SDC2: variants seen among roughly 807,000 people sequenced by gnomAD.
SDC2 encodes the protein syndecan-2.
A neutral mutation model predicts 22.2 loss-of-function variants in SDC2; 13 were observed. The observed-to-expected ratio is 0.59, with a 90% confidence interval of 0.38 to 0.93. The LOEUF (loss-of-function observed/expected upper bound fraction) is 0.93. Among genes scored for constraint, SDC2 ranks in the 40% least tolerant of loss-of-function variants. The pLI is 0.00. For missense variants in SDC2, 235 were observed against 246.8 expected, an observed-to-expected ratio of 0.95 and a Z score of 0.32; for synonymous variants, 94 against 92.8, an observed-to-expected ratio of 1.01 and a Z score of -0.07.
chr8:96,600,669 T>A (rs1054124626), intron 2 of SDC2, among the ~76,000 whole-genome samples: 1 of 152,092 alleles, frequency 6.6e-6, no homozygotes, highest in African/African-American at 2.4e-5. Context: ...TAGGACTGGA[T>A]AATGGATTCA....
chr8:96,528,507 A>G (rs1301379291), intron 1 of SDC2, among the ~76,000 whole-genome samples: 1 of 152,242 alleles, frequency 6.6e-6, no homozygotes, highest in Non-Finnish European at 1.5e-5. Context: ...CTAAAAGGAA[A>G]AATGTTAAAA....
At chr8:96,520,924 G>A (rs555314793) in intron 1 of SDC2, among the ~76,000 whole-genome samples, 18 of 152,180 alleles carry the variant, frequency 1.2e-4, no homozygotes, top group South Asian at 2.1e-4. Flanking sequence ...AAAAGAAGGC[G>A]GAGCTCTGGG....
chr8:96,564,512 G>C (rs1185550774), intron 1 of SDC2, among the ~76,000 whole-genome samples: 1 of 152,036 alleles, frequency 6.6e-6, no homozygotes, highest in African/African-American at 2.4e-5. Context: ...TGACCGTAGA[G>C]TTGTGTGGGT....
chr8:96,516,468 C>T (rs541263647), intron 1 of SDC2, among the ~76,000 whole-genome samples: 9 of 152,128 alleles, frequency 5.9e-5, no homozygotes, highest in Non-Finnish European at 1.0e-4. Flanking sequence ...CCATTTAAAG[C>T]GTAGTTTTTA....
intron 1 of SDC2, among the ~76,000 whole-genome samples, chr8:96,562,741 T>G (rs62516108): frequency 0.02 from 3,046 of 152,284 alleles, 49 homozygotes; most frequent in Non-Finnish European, 0.032. Context: ...AAAATAAAAT[T>G]AGCATTGCTT....
At chr8:96,547,411 A>G (rs2130528082) in intron 1 of SDC2, among the ~76,000 whole-genome samples, 1 of 152,266 alleles carries the variant, frequency 6.6e-6, no homozygotes. Flanking sequence ...CTCACCCATA[A>G]ACTTGGGGAC....
chr8:96,588,515 TA>T (rs912864498), intron 1 of SDC2, among the ~76,000 whole-genome samples: 1 of 152,206 alleles, frequency 6.6e-6, no homozygotes, highest in Non-Finnish European at 1.5e-5. Flanking sequence ...AAAGTTAATA[TA>T]CATTTGAGTC....
At chr8:96,529,415 A>G (rs1813626266) in intron 1 of SDC2, 1 of 152,244 alleles carries the variant, frequency 6.6e-6, no homozygotes, top group Non-Finnish European at 1.5e-5. Flanking sequence ...GTTAAATTTA[A>G]ATAAGAAAAG....
chr8:96,559,836 T>C (rs1814178693), intron 1 of SDC2, among the ~76,000 whole-genome samples: 1 of 152,182 alleles, frequency 6.6e-6, no homozygotes, highest in Non-Finnish European at 1.5e-5. Flanking sequence ...AACTTCCTAA[T>C]GTGAAATGAA....
chr8:96,528,749 C>T (rs1024753066), intron 1 of SDC2, among the ~76,000 whole-genome samples: 9 of 152,074 alleles, frequency 5.9e-5, no homozygotes, highest in Non-Finnish European at 1.3e-4. Context: ...ATACAGTTCT[C>T]CATATAAAAA....
chr8:96,530,345 G>T (rs188156818), intron 1 of SDC2, among the ~76,000 whole-genome samples: 36 of 152,246 alleles, frequency 2.4e-4, no homozygotes, highest in African/African-American at 8.2e-4. Flanking sequence ...GTATTAAAAT[G>T]GTGCTAGGCT....
At chr8:96,592,996 C>T (rs1311769210) in intron 1 of SDC2, among the ~76,000 whole-genome samples, 1 of 152,190 alleles carries the variant, frequency 6.6e-6, no homozygotes, top group Non-Finnish European at 1.5e-5. Context: ...CTGAGTATTG[C>T]CAGGCCTGCA....
At chr8:96,601,114 G>A (rs1398790804) in intron 2 of SDC2, among the ~76,000 whole-genome samples, 1 of 152,158 alleles carries the variant, frequency 6.6e-6, no homozygotes, top group Non-Finnish European at 1.5e-5. Context: ...AATAGGGTTT[G>A]TCCGGAAGCA....
intron 1 of SDC2, among the ~76,000 whole-genome samples, chr8:96,516,320 T>C (rs970401842): frequency 2.6e-5 from 4 of 152,176 alleles, no homozygotes; most frequent in Non-Finnish European, 5.9e-5. Flanking sequence ...CTAGAAATTA[T>C]TCCTTTAAAA....
chr8:96,587,927 T>C (rs1163189599), intron 1 of SDC2, among the ~76,000 whole-genome samples: 2 of 152,118 alleles, frequency 1.3e-5, no homozygotes, highest in African/African-American at 4.8e-5. Context: ...GTCCCTACTT[T>C]TGGAGCTGTA....
intron 3 of SDC2, among the ~76,000 whole-genome samples, chr8:96,606,714 T>G (rs1815086243): frequency 1.3e-5 from 2 of 152,060 alleles, no homozygotes. Flanking sequence ...TAACCTTGGG[T>G]GATTCACATA....
At chr8:96,572,977 T>C (rs1814421522) in intron 1 of SDC2, among the ~76,000 whole-genome samples, 1 of 152,206 alleles carries the variant, frequency 6.6e-6, no homozygotes, top group Non-Finnish European at 1.5e-5. Flanking sequence ...AGCTTAGTTA[T>C]GACACGGACC....
chr8:96,538,846 C>G (rs1047633789), intron 1 of SDC2: 1 of 102,120 alleles, frequency 9.8e-6, no homozygotes. Context: ...ATTGAGTCAG[C>G]CTTACCTGTC....
rs537716256 is a variant in SDC2, at chr8:96,493,934, G to A, written c.-338G>A. ...CCTTAAAACCAGAAACTGAACCTCG[G>A]CACGGGAAAGGAGTCCGCGGAGGAG... On this transcript the variant is annotated 5_prime_UTR_variant, in exon 1 of 5. Coordinates refer to ENST00000302190, the MANE Select transcript of SDC2 (RefSeq NM_002998.4). 46 of 341,144 alleles carry A rather than the reference G, an allele frequency of 1.3e-4. No homozygotes were observed. In the South Asian group the frequency reaches 2.6e-3, roughly 19 times the overall value. The allele number at this position is 341,144 out of a possible 1,614,324, so 21.1% of individuals were successfully genotyped here.
Sources: gnomAD v4.1 joint callset for allele counts (sites outside exome capture counted in the v4.1 genomes callset) on GRCh38, gnomAD v4.1.1 for gene constraint, MANE v1.5 for transcripts, NCBI Gene and HGNC (gene_info 2026-07-23, HGNC 2026-07-21) for gene names.